The following AZI2 variants were observed in gnomAD, a reference collection of about 807,000 sequenced individuals.
The protein encoded by AZI2 is 5-azacytidine-induced protein 2.
In AZI2, 22 loss-of-function variants were observed where a neutral mutation model predicts 45.8. That is an observed-to-expected ratio of 0.48 (90% CI 0.34 to 0.69). The LOEUF is 0.69. Among genes scored for constraint, AZI2 ranks in the 30% least tolerant of loss-of-function variants. The probability of loss-of-function intolerance (pLI) is 0.01; values close to 1 mark genes in which losing one functional copy is unlikely to be tolerated. For synonymous variants in AZI2, 137 were observed against 156.7 expected (o/e 0.87, Z 0.94); for missense variants, 417 against 441.5 (o/e 0.94, Z 0.50).
chr3:28,336,793 G>C lies in AZI2; in HGVS notation c.532C>G (p.Leu178Val), dbSNP rs1341052627. ...KIHGLEQELELMRKECSDLKI... is the reference protein window; with the variant it reads ...KIHGLEQELEVMRKECSDLKI... ...AGATCGCTACATTCTTTCCTCATCA[G>C]TTCCAGCTCTTGTTCCAAACCATGG... The change falls in exon 5 of 8, where the codon CTG becomes GTG. Residue 178 changes from leucine (L) to valine (V), a missense_variant. By Grantham distance (32) the Leu-to-Val change is conservative. Coordinates refer to ENST00000479665, the MANE Select transcript of AZI2 (RefSeq NM_022461.5). The C allele has an allele frequency of 6.2e-7, 1 of 1,613,176 alleles. No individual in the cohort carries two copies. The highest frequency in any genetic ancestry group is 1.7e-5 in the Admixed American group (1 of 59,918).
chr3:28,326,654 T>C, intron 7 of AZI2, 178 bp downstream of exon 7: 1 of 660,420 alleles, frequency 1.5e-6, no homozygotes, highest in Non-Finnish European at 2.8e-6. Flanking sequence ...CACCTTTATG[T>C]GTGAAGTTGA....
chr3:28,332,535 G>A (rs1703623625), intron 5 of AZI2, 108 bp from the exon 6 acceptor site: 2 of 803,826 alleles, frequency 2.5e-6, no homozygotes. Flanking sequence ...GAATATATCT[G>A]TAAGTGCAAA....
chr3:28,345,805 A>T (rs1420140651), intron 1 of AZI2, among the ~76,000 whole-genome samples: 3 of 152,140 alleles, frequency 2.0e-5, no homozygotes, highest in Admixed American at 2.0e-4. Context: ...TTGGGATACT[A>T]GAAAACATAT....
chr3:28,332,264 A>T (rs145279298), intron 6 of AZI2, 105 bp downstream of exon 6: 1 of 966,450 alleles, frequency 1.0e-6, no homozygotes. Context: ...AACAATATCC[A>T]TTTTTTGTTT....
In AZI2 at chr3:28,338,028, G is replaced by C; in HGVS notation, c.348C>G (p.Asp116Glu). ...TCAATACTTTCAAAGATTCAGAGTT[G>C]TCTTTATTCTAGTTAAGTAGGGAAA... ...LKSKLDKMNK[D>E]NSESLKVLNE... is the part of the protein sequence containing the mutation. The change falls in exon 4 of 8, where the codon GAC (aspartate) becomes GAG (glutamate). Residue 116 changes from aspartate to glutamate, a missense_variant. Physicochemically the swap from Asp to Glu is conservative, Grantham distance 45. Coordinates refer to ENST00000479665, the MANE Select transcript of AZI2 (RefSeq NM_022461.5). The C allele has an allele frequency of 6.4e-7, 1 of 1,567,946 alleles. No homozygotes were observed. The highest frequency in any genetic ancestry group is 8.7e-7 in the Non-Finnish European group (1 of 1,152,692).
At chr3:28,325,154 A>G (rs973209695) in intron 7 of AZI2, 18 of 150,580 alleles carry the variant, frequency 1.2e-4, no homozygotes, top group Non-Finnish European at 2.7e-4. Context: ...AGCCAAAAAA[A>G]AAAAGTTTTG....
intron 1 of AZI2, among the ~76,000 whole-genome samples, chr3:28,340,879 C>G (rs1440017650): frequency 6.6e-6 from 1 of 151,924 alleles, no homozygotes; most frequent in Non-Finnish European, 1.5e-5. Context: ...TAAATTATAT[C>G]TATAAACCAC....
chr3:28,329,549 CTTAA>C (rs1703501121), intron 6 of AZI2, among the ~76,000 whole-genome samples: 1 of 151,198 alleles, frequency 6.6e-6, no homozygotes, highest in Non-Finnish European at 1.5e-5. Flanking sequence ...GCCCAGCTTT[CTTAA>C]TTGACACTAT....
intron 6 of AZI2, among the ~76,000 whole-genome samples, chr3:28,330,067 A>G (rs1488797627): frequency 6.6e-6 from 1 of 151,300 alleles, no homozygotes; most frequent in East Asian, 1.9e-4. Context: ...ACAGTTCCAC[A>G]ATGTAAGTTT....
chr3:28,333,144 A>T (rs1201691777), intron 5 of AZI2, among the ~76,000 whole-genome samples: 2 of 151,880 alleles, frequency 1.3e-5, no homozygotes, highest in Non-Finnish European at 2.9e-5. Context: ...TGGCCAGTAT[A>T]AGCTCAGAAT....
chr3:28,337,750 T>C (rs976058625), intron 4 of AZI2, among the ~76,000 whole-genome samples, 187 bp downstream of exon 4: 1 of 152,122 alleles, frequency 6.6e-6, no homozygotes, highest in African/African-American at 2.4e-5. Flanking sequence ...AAGTGCAATA[T>C]ATAGCTAAGG....
At chr3:28,336,970 G>C in intron 4 of AZI2, 85 bp from the exon 5 acceptor site, 1 of 1,349,038 alleles carries the variant, frequency 7.4e-7, no homozygotes. Context: ...CTGGTAAAAT[G>C]TAGATAATAG....
intron 6 of AZI2, among the ~76,000 whole-genome samples, 188 bp downstream of exon 6, chr3:28,332,181 A>C (rs371065962): frequency 6.6e-6 from 1 of 151,576 alleles, no homozygotes; most frequent in South Asian, 2.1e-4. Flanking sequence ...GTATTACTTA[A>C]ATTCAAAGCT....
At chr3:28,346,084 A>G (rs11916224) in intron 1 of AZI2, among the ~76,000 whole-genome samples, 3,980 of 152,220 alleles carry the variant, frequency 0.026, 152 homozygotes, top group African/African-American at 0.085. Context: ...AACCTAAGTA[A>G]GCTGTCAGAA....
Position 28,336,773 on chromosome 3 carries a change from G to C in AZI2, c.552C>G (p.Ser184Arg). 1 of 1,612,920 alleles carries C rather than the reference G, an allele frequency of 6.2e-7. No individual in the cohort carries two copies. The highest frequency in any genetic ancestry group is 1.1e-5 in the South Asian group (1 of 91,000). The change falls in exon 5 of 8, where the codon AGC becomes AGG. Residue 184 changes from serine (S) to arginine (R), a missense_variant. Physicochemically the swap from Ser to Arg is moderately radical, Grantham distance 110. Transcript: ENST00000479665. ...CTTTCTGTAGTTCTATTTTGAGATC[G>C]CTACATTCTTTCCTCATCAGTTCCA... ...QELELMRKEC[S>R]DLKIELQKAK... is the part of the protein sequence containing the mutation.
chr3:28,321,173 T>C lies in AZI2; in HGVS notation c.*2869A>G, dbSNP rs895971223. ...AGAGCAGACAAAAGCAAAGCAAATA[T>C]AGAAATCTAGAGACCACACAGCATA... On this transcript the variant is annotated 3_prime_UTR_variant, in exon 8 of 8. Transcript: ENST00000479665. The C allele has an allele frequency of 3.3e-5, 5 of 151,390 alleles. No individual in the cohort carries two copies. The highest frequency in any genetic ancestry group is 5.9e-5 in the Non-Finnish European group (4 of 67,572). 9.4% of individuals were successfully genotyped at this position (151,390 alleles called of 1,614,324 possible).
intron 1 of AZI2, 129 bp from the exon 2 acceptor site, chr3:28,340,751 C>T (rs1280320228): frequency 7.3e-6 from 5 of 688,828 alleles, no homozygotes; most frequent in Non-Finnish European, 1.1e-5. Context: ...GGGTTGTATT[C>T]TAAACTCTAC....
chr3:28,323,865 TAC>T lies in AZI2; in HGVS notation c.*175_*176del. 1.7e-6 allele frequency: 1 copy of T among 593,384 alleles called. No homozygotes were observed. Among genetic ancestry groups the T allele is most frequent in the South Asian group, 3.0e-5 (1 of 33,346 alleles). 36.8% of individuals were successfully genotyped at this position (593,384 alleles called of 1,614,324 possible). A position where few individuals can be genotyped will look rare whatever the true frequency, so the allele number is the denominator to read the frequency against. On this transcript the variant is annotated 3_prime_UTR_variant, in exon 8 of 8. Transcript: ENST00000479665. The stretch of plus-strand genomic sequence containing the variant: ...TATGGAGCTAGAGGGTGCTCTTTCA[TAC>T]TAGAAAACCAACTATGTTGGTTTTT...
chr3:28,326,422 A>G (rs61588415), intron 7 of AZI2: 3,977 of 159,188 alleles, frequency 0.025, 151 homozygotes, highest in African/African-American at 0.085. Flanking sequence ...TTCTTTTTCA[A>G]AACAACCTAA....
Sources: allele counts gnomAD v4.1 joint callset (sites outside exome capture counted in the v4.1 genomes callset), GRCh38; gene constraint gnomAD v4.1.1; transcripts MANE v1.5; gene names NCBI Gene and HGNC (gene_info 2026-07-23, HGNC 2026-07-21).